CERKL: variants seen among roughly 807,000 people sequenced by gnomAD.
The protein encoded by CERKL is ceramide kinase-like protein.
CERKL carries 61 observed loss-of-function variants against 63.4 expected under a neutral mutation model. The ratio of observed to expected loss-of-function variants is 0.96; its 90% CI spans 0.78 to 1.19. The LOEUF (loss-of-function observed/expected upper bound fraction) is 1.19, where lower values mean the gene tolerates loss of function less well. Among genes scored for constraint, CERKL ranks in the 50% most tolerant of loss-of-function variants. CERKL has a pLI of 0.00. For synonymous variants in CERKL, 250 were observed against 230.5 expected (o/e 1.08, Z -0.77); for missense variants, 675 against 655.5 (o/e 1.03, Z -0.33).
Position 181,601,434 on chromosome 2 carries a change from G to A in CERKL, c.481+2403C>T, listed in dbSNP as rs535707145. Among the ~76,000 whole-genome samples the A allele has an allele frequency of 6.6e-5, 10 of 152,120 alleles. No individual in the cohort carries two copies. The East Asian group carries it at 1.9e-3, about 29-fold the overall frequency. On this transcript the variant is annotated intron_variant, in intron 2 of 12. Coordinates refer to ENST00000410087, the MANE Select transcript of CERKL (RefSeq NM_201548.5). ...AAATTAGCCAGGCGTAGTGGCGGGT[G>A]CCTGTAATCCCAGCTACTCGGGAGG...
intron 2 of CERKL, among the ~76,000 whole-genome samples, chr2:181,595,611 C>T (rs779667625): frequency 6.6e-6 from 1 of 152,164 alleles, no homozygotes; most frequent in Non-Finnish European, 1.5e-5. Context: ...GCTCCAGATT[C>T]AGACATGTAC....
intron 1 of CERKL, among the ~76,000 whole-genome samples, chr2:181,624,922 TAGA>T (rs1476837313): frequency 6.6e-6 from 1 of 152,170 alleles, no homozygotes; most frequent in African/African-American, 2.4e-5. Flanking sequence ...AATATTTAAG[TAGA>T]AGATTTATAA....
In CERKL at chr2:181,634,540, G is replaced by A. The variant is rs1348426291; in HGVS notation, c.238+22229C>T. ...TACTGGTTAACAGTAAATTGAACAT[G>A]ATAGACAGTACGTAGAATTTTCAGA... is the stretch of plus-strand genomic sequence containing the variant. On this transcript the variant is annotated intron_variant, in intron 1 of 12. Transcript: ENST00000410087. Among the ~76,000 whole-genome samples, 3 of 152,182 alleles carry A rather than the reference G, an allele frequency of 2.0e-5. No individual in the cohort carries two copies. In the East Asian group the frequency reaches 5.8e-4, roughly 29 times the overall value.
intron 3 of CERKL, among the ~76,000 whole-genome samples, chr2:181,569,243 T>G (rs1199326981): frequency 6.6e-6 from 1 of 152,314 alleles, no homozygotes; most frequent in South Asian, 2.1e-4. Context: ...AAGAATCTTT[T>G]ACACAGAATT....
chr2:181,586,561 T>C (rs1559090996), intron 2 of CERKL, among the ~76,000 whole-genome samples: 1 of 152,208 alleles, frequency 6.6e-6, no homozygotes, highest in Non-Finnish European at 1.5e-5. Context: ...TCAACATTAA[T>C]ATGCAACTGA....
rs1247331480 is a variant in CERKL, at chr2:181,538,194, A to ATCATT, written c.1584_1588dup (p.Ile530LysfsTer2). The ATCATT allele has an allele frequency of 2.5e-6, 4 of 1,576,746 alleles. No homozygotes were observed. Among genetic ancestry groups the ATCATT allele is most frequent in the Non-Finnish European group, 3.5e-6 (4 of 1,147,452 alleles). The stretch of plus-strand genomic sequence containing the variant: ...AGAAACAATTACATGTTACTTTGGA[A>ATCATT]TCATTTCTTCCATGCTTCCTCCATA... On this transcript the variant is annotated stop_gained and frameshift_variant, in exon 13 of 13. Transcript: ENST00000410087. LOFTEE classifies it high-confidence loss of function.
rs1307534845 is a variant in CERKL at position 181,565,603 on chromosome 2, G to T, written c.677+455C>A. 1.2e-5 allele frequency: 12 copies of T among 999,538 alleles called. No homozygotes were observed. In the African/African-American group the frequency reaches 1.3e-4, roughly 11 times the overall value. 61.9% of individuals were successfully genotyped at this position (999,538 alleles called of 1,614,324 possible). The stretch of plus-strand genomic sequence containing the variant: ...CTGGAAATAATGTATTTATTTACTT[G>T]TATTTATAAAATATCTTCCCTCAAT... On this transcript the variant is annotated intron_variant, in intron 4 of 12. Transcript: ENST00000410087.
At chr2:181,628,032 G>C (rs1308959707) in intron 1 of CERKL, among the ~76,000 whole-genome samples, 1 of 152,072 alleles carries the variant, frequency 6.6e-6, no homozygotes, top group East Asian at 1.9e-4. Flanking sequence ...AATCATTTAA[G>C]AACATTCTCA....
chr2:181,549,649 A>G lies in CERKL; in HGVS notation c.880T>C (p.Leu294=), dbSNP rs1265924272. Residue 294 remains leucine, a synonymous_variant, in exon 6 of 13, where the codon TTG becomes CTG. Transcript: ENST00000410087. ...HGVPHVITAT[L]HIIMGHVQLV... ...GAATTCTTACCCATTATAATGTGCAATGTTGCAGTTATCACATGAGGAACT... is the reference window on the plus strand; with the variant it reads ...GAATTCTTACCCATTATAATGTGCAGTGTTGCAGTTATCACATGAGGAACT... The G allele has an allele frequency of 6.2e-7, 1 of 1,609,918 alleles. No homozygotes were observed.
At chr2:181,651,811 T>C (rs180918655) in intron 1 of CERKL, among the ~76,000 whole-genome samples, 109 of 152,066 alleles carry the variant, frequency 7.2e-4, no homozygotes, top group African/African-American at 2.5e-3. Flanking sequence ...TCAGTAAAGT[T>C]GCAAGACACA....
chr2:181,539,496 T>C (rs1205444010), intron 11 of CERKL, among the ~76,000 whole-genome samples: 1 of 152,172 alleles, frequency 6.6e-6, no homozygotes, highest in African/African-American at 2.4e-5. Context: ...TTATGACAAA[T>C]AGTACATATC....
At chr2:181,555,605 A>AT (rs1688167547) in intron 5 of CERKL, among the ~76,000 whole-genome samples, 2 of 152,120 alleles carry the variant, frequency 1.3e-5, no homozygotes, top group African/African-American at 4.8e-5. Flanking sequence ...TACTAAATGA[A>AT]TAGGGTTATC....
At chr2:181,545,637 C>T (rs556507020) in intron 10 of CERKL, among the ~76,000 whole-genome samples, 1 of 152,192 alleles carries the variant, frequency 6.6e-6, no homozygotes, top group Non-Finnish European at 1.5e-5. Flanking sequence ...AAGACAACTC[C>T]AAGTTTAAGT....
At chr2:181,628,105 A>G (rs1686791783) in intron 1 of CERKL, among the ~76,000 whole-genome samples, 1 of 152,190 alleles carries the variant, frequency 6.6e-6, no homozygotes, top group Admixed American at 6.5e-5. Context: ...GTGTTAAAAA[A>G]AAATTAGATG....
At chr2:181,579,339 G>A (rs1268456944) in intron 2 of CERKL, among the ~76,000 whole-genome samples, 1 of 151,908 alleles carries the variant, frequency 6.6e-6, no homozygotes, top group Non-Finnish European at 1.5e-5. Context: ...CAAATGAAAA[G>A]TGAAATACTG....
chr2:181,539,027 C>T, intron 12 of CERKL, 65 bp downstream of exon 12: 1 of 1,194,286 alleles, frequency 8.4e-7, no homozygotes, highest in Non-Finnish European at 1.2e-6. Flanking sequence ...GAGAAGAGAG[C>T]TTTCGTTGTA....
At chr2:181,617,343 A>G (rs1686242480) in intron 1 of CERKL, 2 of 152,240 alleles carry the variant, frequency 1.3e-5, no homozygotes, top group East Asian at 3.8e-4. Flanking sequence ...TGTTTTTCAT[A>G]GAACACCACT....
At chr2:181,544,869 TCC>T in intron 10 of CERKL, 73 bp from the exon 11 acceptor site, 1 of 835,786 alleles carries the variant, frequency 1.2e-6, no homozygotes, top group Admixed American at 2.1e-5. Flanking sequence ...GACATACTGT[TCC>T]TTATAACAAG....
intron 2 of CERKL, among the ~76,000 whole-genome samples, chr2:181,586,366 T>C (rs1202218942): frequency 6.6e-6 from 1 of 152,106 alleles, no homozygotes; most frequent in Admixed American, 6.6e-5. Context: ...GTCATGACCT[T>C]GCTCTGCTCT....
Sources: allele counts gnomAD v4.1 joint callset (sites outside exome capture counted in the v4.1 genomes callset), GRCh38; gene constraint gnomAD v4.1.1; transcripts MANE v1.5; gene names NCBI Gene and HGNC (gene_info 2026-07-23, HGNC 2026-07-21).